NEDD9: variants seen among roughly 807,000 people sequenced by gnomAD.
The protein encoded by NEDD9 is neural precursor cell expressed, developmentally down-regulated 9, also known as enhancer of filamentation 1.
Under a neutral mutation model 76.6 loss-of-function variants are expected in NEDD9, and 26 were observed. The observed-to-expected ratio is 0.34, with a 90% CI of 0.25 to 0.47. NEDD9 has a LOEUF of 0.47. NEDD9 is among the 20% of genes least tolerant of loss of function. The pLI, the probability that NEDD9 is intolerant of heterozygous loss-of-function variation, is 1.00. For synonymous variants in NEDD9, 392 were observed against 414.2 expected (o/e 0.95, Z 0.65); for missense variants, 937 against 1,058.5 (o/e 0.89, Z 1.59).
chr6:11,221,759 C>A (rs904490461), intron 1 of NEDD9, among the ~76,000 whole-genome samples: 6 of 152,078 alleles, frequency 3.9e-5, no homozygotes, highest in African/African-American at 1.2e-4. Flanking sequence ...GGCAAGGGGT[C>A]AAAAATGCGG....
At chr6:11,365,025 G>C (rs1321786451) in intron 1 of NEDD9, among the ~76,000 whole-genome samples, 1 of 152,126 alleles carries the variant, frequency 6.6e-6, no homozygotes, top group South Asian at 2.1e-4. Context: ...AAACTGACTG[G>C]AGCAAGAGTT....
Position 11,241,867 on chromosome 6 carries a change from C to T in NEDD9, c.13-28140G>A, listed in dbSNP as rs1411133217. Among the ~76,000 whole-genome samples the T allele has an allele frequency of 6.6e-6, 1 of 152,142 alleles. No homozygotes were observed. The highest frequency in any genetic ancestry group is 1.5e-5 in the Non-Finnish European group (1 of 68,022). On this transcript the variant is annotated intron_variant, in intron 3 of 3. Coordinates refer to the NEDD9 transcript ENST00000397378. The surrounding 1 kb of genome is among the most constrained non-coding windows in gnomAD (Gnocchi z 4.0). ...GGCCTGTCCGGCCAGCCCAAGCAGC[C>T]GCCAGCTGGCGCTCGTGAGCGCATG...
intron 2 of NEDD9, chr6:11,200,801 T>C (rs886563165): frequency 6.9e-7 from 1 of 1,450,730 alleles, no homozygotes; most frequent in Non-Finnish European, 9.0e-7. Flanking sequence ...CGTATCAGTA[T>C]TGGCATTATT....
rs763651848 is a variant in NEDD9 at position 11,190,656 on chromosome 6, C to G, written c.1213G>C (p.Asp405His). The change falls in exon 5 of 7, where the codon GAT (aspartate) becomes CAT (histidine). Residue 405 changes from aspartate to histidine, a missense_variant. Asp to His is a moderately conservative substitution (Grantham distance 81). Transcript: ENST00000379446. This position sits in a 1 kb window ranked among gnomAD's most constrained non-coding sequence, Gnocchi z 5.8. ...AGTCTCTCAATAGCTGTGTCTGGAT[C>G]CAGGAAGAGCCTTTTGTCCTGAGCT... is the stretch of plus-strand genomic sequence containing the variant. ...SPAQDKRLFLDPDTAIERLQR... is the reference protein window; with the variant it reads ...SPAQDKRLFLHPDTAIERLQR... 3.6e-5 allele frequency: 58 copies of G among 1,614,138 alleles called. No individual in the cohort carries two copies. The highest frequency in any genetic ancestry group is 4.8e-5 in the Non-Finnish European group (57 of 1,180,012).
chr6:11,210,840 C>A (rs1240145273), intron 2 of NEDD9, among the ~76,000 whole-genome samples: 3 of 151,008 alleles, frequency 2.0e-5, no homozygotes, highest in South Asian at 4.2e-4. Flanking sequence ...AAGAGGCAAC[C>A]ACACTCCCAT....
intron 1 of NEDD9, among the ~76,000 whole-genome samples, chr6:11,367,894 A>C (rs551294615): frequency 7.2e-5 from 11 of 152,298 alleles, no homozygotes; most frequent in Admixed American, 2.0e-4. Context: ...CGGCAGAGCT[A>C]TGGAATTTTG....
chr6:11,372,904 A>G (rs1384426204), intron 1 of NEDD9, among the ~76,000 whole-genome samples: 1 of 152,204 alleles, frequency 6.6e-6, no homozygotes, highest in African/African-American at 2.4e-5. Context: ...TAGATACTCC[A>G]ATTCATTTTT....
chr6:11,362,903 C>A (rs1647381297), intron 1 of NEDD9, among the ~76,000 whole-genome samples: 1 of 152,192 alleles, frequency 6.6e-6, no homozygotes, highest in African/African-American at 2.4e-5. Context: ...TGTCTAACAA[C>A]TAACAATGCT....
At chr6:11,288,791 C>A (rs1477631792) in intron 3 of NEDD9, among the ~76,000 whole-genome samples, 1 of 152,256 alleles carries the variant, frequency 6.6e-6, no homozygotes, top group African/African-American at 2.4e-5. Context: ...CACTGACTTA[C>A]AACCATATAT....
At chr6:11,247,768 T>C (rs929118079) in intron 3 of NEDD9, among the ~76,000 whole-genome samples, 2 of 152,262 alleles carry the variant, frequency 1.3e-5, no homozygotes, top group African/African-American at 4.8e-5. Context: ...ATGACTTCAG[T>C]CGCATGAACA....
intron 2 of NEDD9, among the ~76,000 whole-genome samples, chr6:11,313,694 T>G (rs1369153124): frequency 6.6e-6 from 1 of 152,234 alleles, no homozygotes; most frequent in African/African-American, 2.4e-5. Context: ...AGTAACTTTC[T>G]TTGAGACCTT....
intron 3 of NEDD9, among the ~76,000 whole-genome samples, chr6:11,259,961 G>C (rs59303486): frequency 0.026 from 538 of 20,786 alleles, 6 homozygotes; most frequent in African/African-American, 0.093. Flanking sequence ...CACACACACA[G>C]ACACACACCC....
intron 1 of NEDD9, among the ~76,000 whole-genome samples, chr6:11,224,589 G>A (rs1161149414): frequency 2.6e-5 from 4 of 151,890 alleles, no homozygotes; most frequent in Non-Finnish European, 5.9e-5. Context: ...TCATGCCACA[G>A]TGACTAGTAA....
At chr6:11,199,637 C>CTTTTTTTTTTTTTTTTTTTTTTTT (rs59651160) in intron 2 of NEDD9, 1 of 43,110 alleles carries the variant, frequency 2.3e-5, no homozygotes, top group African/African-American at 8.4e-5. Context: ...TAGGAAAGAT[C>CTTTTTTTTTTTTTTTTTTTTTTTT]TTTTTTTTTT....
chr6:11,328,912 G>A (rs1042629330), intron 2 of NEDD9: 3 of 152,224 alleles, frequency 2.0e-5, no homozygotes, highest in Admixed American at 6.5e-5. Flanking sequence ...CCACAAAGGA[G>A]GCCAGGACCA....
chr6:11,202,616 C>T (rs1428923383), intron 2 of NEDD9, among the ~76,000 whole-genome samples: 1 of 152,208 alleles, frequency 6.6e-6, no homozygotes, highest in Non-Finnish European at 1.5e-5. Context: ...TATTAATTCT[C>T]TGTAAATTCA....
At chr6:11,296,539 A>G (rs1037392741) in intron 3 of NEDD9, among the ~76,000 whole-genome samples, 4 of 152,196 alleles carry the variant, frequency 2.6e-5, no homozygotes, top group African/African-American at 4.8e-5. Flanking sequence ...GCAGATGTAA[A>G]TACACGGTGT....
intron 2 of NEDD9, among the ~76,000 whole-genome samples, chr6:11,325,895 C>T (rs1417734208): frequency 6.6e-6 from 1 of 152,170 alleles, no homozygotes; most frequent in Non-Finnish European, 1.5e-5. Flanking sequence ...CCTGTAATCC[C>T]AGCACTTTGG....
At chr6:11,372,318 A>C (rs1762892543) in intron 1 of NEDD9, among the ~76,000 whole-genome samples, 1 of 152,240 alleles carries the variant, frequency 6.6e-6, no homozygotes, top group African/African-American at 2.4e-5. Flanking sequence ...ATGTTGCTGC[A>C]AATGACTGGA....
Sources: gnomAD v4.1 joint callset for allele counts (sites outside exome capture counted in the v4.1 genomes callset) on GRCh38, gnomAD v4.1.1 for gene constraint, Gnocchi (gnomAD v3.1) non-coding constraint, MANE v1.5 for transcripts, NCBI Gene and HGNC (gene_info 2026-07-23, HGNC 2026-07-21) for gene names.